The following MOB2 variants were observed in gnomAD, a reference collection of about 807,000 sequenced individuals.
MOB2 encodes MOB kinase activator 2, also known as MOB2 Mps One Binder homolog.
Under a neutral mutation model 27.4 loss-of-function variants are expected in MOB2, and 14 were observed. That is an observed-to-expected ratio of 0.51 (90% CI 0.34 to 0.80). MOB2 has a LOEUF of 0.80. Among genes scored for constraint, MOB2 ranks in the 30% least tolerant of loss-of-function variants. The pLI is 0.01. For missense variants in MOB2, 304 were observed against 354.6 expected (o/e 0.86, Z 1.15); for synonymous variants, 167 against 151.8 (o/e 1.10, Z -0.74).
At chr11:1,479,188 G>A (rs1234067235) in intron 3 of MOB2, among the ~76,000 whole-genome samples, 1 of 152,138 alleles carries the variant, frequency 6.6e-6, no homozygotes, top group East Asian at 1.9e-4. Context: ...TCTGGGAAGG[G>A]TGCCAGGCCC....
chr11:1,471,926 GTC>G lies in MOB2; in HGVS notation c.366-509_366-508del, dbSNP rs1847797507. ...CCGGGGAAAGCAGAGGAGGGCGGTG[GTC>G]TCTGTGGGTACCTGCGGCTAACAGC... On this transcript the variant is annotated intron_variant, in intron 3 of 4. Transcript: ENST00000329957. 2.0e-5 allele frequency: 3 copies of G among 153,574 alleles called. 1 individual carries two copies. Among genetic ancestry groups the G allele is most frequent in the African/African-American group, 7.2e-5 (3 of 41,446 alleles). The allele number at this position is 153,574 out of a possible 1,614,324, so 9.5% of individuals were successfully genotyped here. A position where few individuals can be genotyped will look rare whatever the true frequency, so the allele number is the denominator to read the frequency against.
chr11:1,470,615 C>G, intron 4 of MOB2, 127 bp from the exon 5 acceptor site: 1 of 1,088,570 alleles, frequency 9.2e-7, no homozygotes, highest in Non-Finnish European at 1.3e-6. Context: ...CCCTCAGGGC[C>G]TACAAAGCCC....
In MOB2 at chr11:1,470,021, T is replaced by A; in HGVS notation, c.*151A>T. On this transcript the variant is annotated 3_prime_UTR_variant, in exon 5 of 5. Coordinates refer to ENST00000329957, the MANE Select transcript of MOB2 (RefSeq NM_001172223.3). ...CAGGACACGGCCGGGGCCGTCTGCG[T>A]CTGTGCCTGTGCAGCCCACACCAGT... 1 of 1,532,588 alleles carries A rather than the reference T, an allele frequency of 6.5e-7. No homozygotes were observed. The highest frequency in any genetic ancestry group is 1.2e-5 in the South Asian group (1 of 83,220). 94.9% of individuals were successfully genotyped at this position (1,532,588 alleles called of 1,614,324 possible).
chr11:1,472,920 C>T (rs1052091638), intron 3 of MOB2: 2 of 154,484 alleles, frequency 1.3e-5, no homozygotes, highest in East Asian at 3.8e-4. Context: ...CTGCTGTGTC[C>T]AAGAAGCCCC....
At position 1,486,544 on chromosome 11, in the gene MOB2, G is replaced by C; in HGVS notation, c.13C>G (p.His5Asp). ...GCTTGGTCTTCAGGGAGACTGCAGTGGTCTCCCAGCATGAGTGGGCGACGG... is the reference window on the plus strand; with the variant it reads ...GCTTGGTCTTCAGGGAGACTGCAGTCGTCTCCCAGCATGAGTGGGCGACGG... MLGD[H>D]CSLPEDQARP... The change falls in exon 1 of 5, where the codon CAC (histidine) becomes GAC (aspartate). Residue 5 changes from histidine (H) to aspartate (D), a missense_variant. Transcript: ENST00000329957. 1 of 1,535,176 alleles carries C rather than the reference G, an allele frequency of 6.5e-7. No individual in the cohort carries two copies. The highest frequency in any genetic ancestry group is 8.7e-7 in the Non-Finnish European group (1 of 1,146,224).
chr11:1,479,771 C>A (rs532626704), intron 3 of MOB2, among the ~76,000 whole-genome samples: 7 of 152,220 alleles, frequency 4.6e-5, no homozygotes, highest in African/African-American at 1.7e-4. Flanking sequence ...CCTCCTCAGC[C>A]GCACATGTCC....
chr11:1,486,708 G>A lies in MOB2; in HGVS notation c.-152C>T. 1.7e-6 allele frequency: 1 copy of A among 604,220 alleles called. No individual in the cohort carries two copies. The highest frequency in any genetic ancestry group is 2.9e-6 in the Non-Finnish European group (1 of 340,038). 37.4% of individuals were successfully genotyped at this position (604,220 alleles called of 1,614,324 possible). A position where few individuals can be genotyped will look rare whatever the true frequency, so the allele number is the denominator to read the frequency against. Reference sequence around the variant, plus strand: ...CAGCTGCCCCCTTTCCAGAGGCAAGGGCTGGCCAAGGCTGGTGAAACGAGG... The same window carrying A: ...CAGCTGCCCCCTTTCCAGAGGCAAGAGCTGGCCAAGGCTGGTGAAACGAGG... On this transcript the variant is annotated 5_prime_UTR_variant, in exon 1 of 5. Coordinates refer to ENST00000329957, the MANE Select transcript of MOB2 (RefSeq NM_001172223.3).
intron 3 of MOB2, among the ~76,000 whole-genome samples, chr11:1,477,616 G>A (rs1008323001): frequency 1.3e-5 from 2 of 152,156 alleles, no homozygotes; most frequent in Non-Finnish European, 2.9e-5. Context: ...ACCAGGAAAG[G>A]GACCCTCACC....
In MOB2 at chr11:1,486,604, C is replaced by A; in HGVS notation, c.-48G>T. On this transcript the variant is annotated 5_prime_UTR_variant, in exon 1 of 5. Coordinates refer to ENST00000329957, the MANE Select transcript of MOB2 (RefSeq NM_001172223.3). ...GAGGAGAAGCGGGGCGGGGTGCCGG[C>A]TGGCCAGCACTCGCAAATGCCTGCT... is the stretch of plus-strand genomic sequence containing the variant. The A allele has an allele frequency of 1.5e-6, 2 of 1,330,072 alleles. No individual in the cohort carries two copies. Among genetic ancestry groups the A allele is most frequent in the Non-Finnish European group, 2.1e-6 (2 of 963,020 alleles). The allele number at this position is 1,330,072 out of a possible 1,614,324, so 82.4% of individuals were successfully genotyped here. A position where few individuals can be genotyped will look rare whatever the true frequency, so the allele number is the denominator to read the frequency against.
At chr11:1,480,075 C>T (rs904050840) in intron 3 of MOB2, among the ~76,000 whole-genome samples, 6 of 152,232 alleles carry the variant, frequency 3.9e-5, no homozygotes, top group Non-Finnish European at 8.8e-5. Flanking sequence ...AGAGCTGTCA[C>T]GGGAGCCAGC....
In MOB2 at chr11:1,470,027, C is replaced by T. The variant is rs2133355565; in HGVS notation, c.*145G>A. 6.5e-7 allele frequency: 1 copy of T among 1,533,594 alleles called. No homozygotes were observed. Among genetic ancestry groups the T allele is most frequent in the Non-Finnish European group, 8.7e-7 (1 of 1,145,134 alleles). 95.0% of individuals were successfully genotyped at this position (1,533,594 alleles called of 1,614,324 possible). ...ACGGCCGGGGCCGTCTGCGTCTGTGCCTGTGCAGCCCACACCAGTGCAGCC... is the reference window on the plus strand; with the variant it reads ...ACGGCCGGGGCCGTCTGCGTCTGTGTCTGTGCAGCCCACACCAGTGCAGCC... On this transcript the variant is annotated 3_prime_UTR_variant, in exon 5 of 5. Coordinates refer to ENST00000329957, the MANE Select transcript of MOB2 (RefSeq NM_001172223.3).
At chr11:1,482,391 C>A (rs745429322) in intron 1 of MOB2, among the ~76,000 whole-genome samples, 1 of 152,224 alleles carries the variant, frequency 6.6e-6, no homozygotes. Flanking sequence ...TGCCAGCCTT[C>A]CAGGCTGGGG....
Position 1,469,763 on chromosome 11 carries a change from C to A in MOB2, c.*409G>T, listed in dbSNP as rs1247041649. The stretch of plus-strand genomic sequence containing the variant: ...GGAGGGTCTCTGTGAAAGCAAGCCC[C>A]ACCCCCAGAGCAGAGCAGAGACCCA... On this transcript the variant is annotated 3_prime_UTR_variant, in exon 5 of 5. Coordinates refer to ENST00000329957, the MANE Select transcript of MOB2 (RefSeq NM_001172223.3). 2.1e-6 allele frequency: 1 copy of A among 477,056 alleles called. No homozygotes were observed. Among genetic ancestry groups the A allele is most frequent in the Non-Finnish European group, 4.1e-6 (1 of 241,146 alleles). The allele number at this position is 477,056 out of a possible 1,614,324, so 29.6% of individuals were successfully genotyped here.
In MOB2 at chr11:1,470,315, G is replaced by C. The variant is rs757084622; in HGVS notation, c.664C>G (p.Leu222Val). ...ATGGCGGTCTCTTTGGGGTCCAGCA[G>C]GTTGAACTCCCGAGCAAAGAGGATG... ...HFILFAREFN[L>V]LDPKETAIMD... Residue 222 changes from leucine (L) to valine (V), a missense_variant, in exon 5 of 5, where the codon CTG (leucine) becomes GTG (valine). Transcript: ENST00000329957. 1.2e-6 allele frequency: 2 copies of C among 1,613,480 alleles called. No homozygotes were observed. Among genetic ancestry groups the C allele is most frequent in the African/African-American group, 1.3e-5 (1 of 75,060 alleles).
chr11:1,477,709 T>C (rs777866907), intron 3 of MOB2, among the ~76,000 whole-genome samples: 1 of 152,178 alleles, frequency 6.6e-6, no homozygotes, highest in African/African-American at 2.4e-5. Context: ...CCTTGGACTT[T>C]CAGCTTCCAG....
At chr11:1,476,327 A>G (rs767449822) in intron 3 of MOB2, among the ~76,000 whole-genome samples, 1 of 152,212 alleles carries the variant, frequency 6.6e-6, no homozygotes, top group African/African-American at 2.4e-5. Context: ...GTTCTGATAT[A>G]CTGCGCTTTC....
At chr11:1,478,379 G>C (rs1358328988) in intron 3 of MOB2, among the ~76,000 whole-genome samples, 2 of 152,268 alleles carry the variant, frequency 1.3e-5, no homozygotes, top group East Asian at 1.9e-4. Context: ...TCTGGAACAG[G>C]TCTGCTGGCT....
chr11:1,470,568 G>A (rs1317393739), intron 4 of MOB2, 80 bp from the exon 5 acceptor site: 2 of 1,490,276 alleles, frequency 1.3e-6, no homozygotes, highest in East Asian at 4.8e-5. Flanking sequence ...CCAGCCTGGT[G>A]GGTCTGGTAC....
chr11:1,471,153 C>T, intron 4 of MOB2, 142 bp downstream of exon 4: 1 of 1,224,996 alleles, frequency 8.2e-7, no homozygotes. Context: ...TGGCTCCATG[C>T]TAAGCAGGGA....
Sources: gnomAD v4.1 joint callset for allele counts (sites outside exome capture counted in the v4.1 genomes callset) on GRCh38, gnomAD v4.1.1 for gene constraint, MANE v1.5 for transcripts, NCBI Gene and HGNC (gene_info 2026-07-23, HGNC 2026-07-21) for gene names.